CCNY: variants seen among roughly 807,000 people sequenced by gnomAD.
CCNY encodes cyclin-Y.
A neutral mutation model predicts 42.8 loss-of-function variants in CCNY; 19 were observed. That is an observed-to-expected ratio of 0.44 (90% CI 0.31 to 0.65). The LOEUF (loss-of-function observed/expected upper bound fraction) is 0.65. Among genes scored for constraint, CCNY ranks in the 30% least tolerant of loss-of-function variants. The pLI is 0.07. For missense variants in CCNY, 370 were observed against 437.3 expected, an observed-to-expected ratio of 0.85 and a Z score of 1.37; for synonymous variants, 165 against 162.7, an observed-to-expected ratio of 1.01 and a Z score of -0.11.
chr10:35,473,380 A>G (rs1389394282), intron 1 of CCNY, among the ~76,000 whole-genome samples: 1 of 152,176 alleles, frequency 6.6e-6, no homozygotes, highest in African/African-American at 2.4e-5. Flanking sequence ...CCAGTAGAGT[A>G]ACTATTTAAA....
chr10:35,368,570 G>T (rs939008194), intron 1 of CCNY, among the ~76,000 whole-genome samples: 4 of 152,188 alleles, frequency 2.6e-5, no homozygotes, highest in African/African-American at 9.7e-5. Context: ...TCCCAGGTTG[G>T]ACTGTTCGCA....
At chr10:35,249,429 G>A (rs2095710309) in intron 2 of CCNY, among the ~76,000 whole-genome samples, 1 of 150,862 alleles carries the variant, frequency 6.6e-6, no homozygotes, top group African/African-American at 2.4e-5. Context: ...TGTGTAGATT[G>A]TTTATGTTGT....
At chr10:35,404,999 GAAT>G (rs1277646329) in intron 1 of CCNY, among the ~76,000 whole-genome samples, 10 of 152,190 alleles carry the variant, frequency 6.6e-5, no homozygotes, top group Non-Finnish European at 1.0e-4. Flanking sequence ...ATCCAGAACA[GAAT>G]AATGAGTTAT....
At chr10:35,321,240 A>G (rs549108538) in intron 3 of CCNY, among the ~76,000 whole-genome samples, 133 of 152,028 alleles carry the variant, frequency 8.7e-4, no homozygotes, top group African/African-American at 2.8e-3. Flanking sequence ...TTAAAACTAT[A>G]AAAACATTGC....
intron 1 of CCNY, among the ~76,000 whole-genome samples, chr10:35,354,384 C>A (rs1177898273): frequency 6.6e-6 from 1 of 151,972 alleles, no homozygotes; most frequent in Non-Finnish European, 1.5e-5. Flanking sequence ...CGGGGTTTCA[C>A]AAATTGGCCA....
intron 1 of CCNY, among the ~76,000 whole-genome samples, chr10:35,438,135 A>G (rs1838579978): frequency 2.0e-5 from 3 of 150,216 alleles, no homozygotes; most frequent in East Asian, 2.0e-4. Flanking sequence ...CCATAAAAAC[A>G]TATCTTCAGA....
chr10:35,488,476 G>T (rs976490177), intron 2 of CCNY, among the ~76,000 whole-genome samples: 4 of 152,080 alleles, frequency 2.6e-5, no homozygotes, highest in African/African-American at 9.7e-5. Context: ...TCTTTGGCTC[G>T]TTCGTGTGTG....
At chr10:35,343,834 C>T (rs974576755) in intron 1 of CCNY, among the ~76,000 whole-genome samples, 1 of 152,158 alleles carries the variant, frequency 6.6e-6, no homozygotes, top group Non-Finnish European at 1.5e-5. Flanking sequence ...CACATAGGGT[C>T]AGAGATTTAG....
At chr10:35,463,670 GT>G (rs1156583332) in intron 1 of CCNY, among the ~76,000 whole-genome samples, 5 of 152,216 alleles carry the variant, frequency 3.3e-5, no homozygotes, top group Non-Finnish European at 5.9e-5. Flanking sequence ...TATGGAAATT[GT>G]TTTAAAACTC....
chr10:35,392,263 T>C (rs778553621), intron 1 of CCNY, among the ~76,000 whole-genome samples: 4 of 152,210 alleles, frequency 2.6e-5, no homozygotes, highest in Admixed American at 6.5e-5. Context: ...TTGAAAGAAA[T>C]TTTTATTTTT....
chr10:35,558,356 G>A (rs529043410), intron 8 of CCNY, among the ~76,000 whole-genome samples: 1 of 152,328 alleles, frequency 6.6e-6, no homozygotes, highest in Admixed American at 6.5e-5. Flanking sequence ...TCAGTTTTAG[G>A]AGAGTGAAAT....
At chr10:35,347,758 G>A (rs1470170169) in intron 1 of CCNY, among the ~76,000 whole-genome samples, 1 of 151,986 alleles carries the variant, frequency 6.6e-6, no homozygotes, top group Non-Finnish European at 1.5e-5. Flanking sequence ...TATGATCTTA[G>A]GATTTTAATT....
intron 3 of CCNY, among the ~76,000 whole-genome samples, chr10:35,313,155 C>T (rs960247572): frequency 6.6e-6 from 1 of 152,140 alleles, no homozygotes; most frequent in Non-Finnish European, 1.5e-5. Flanking sequence ...ATGGCTGCGG[C>T]TGGCTCACGT....
chr10:35,342,055 GATATAGGT>G (rs1418726321), intron 1 of CCNY, among the ~76,000 whole-genome samples: 1 of 152,088 alleles, frequency 6.6e-6, no homozygotes, highest in Non-Finnish European at 1.5e-5. Flanking sequence ...TGTCTAATGG[GATATAGGT>G]ACATGGTGTT....
intron 2 of CCNY, among the ~76,000 whole-genome samples, chr10:35,491,796 G>A (rs533277396): frequency 1.0e-3 from 158 of 152,058 alleles, no homozygotes; most frequent in African/African-American, 3.7e-3. Flanking sequence ...TGTATTTTTA[G>A]TAGAGATGGG....
chr10:35,331,483 C>T (rs1835943085), intron 3 of CCNY, among the ~76,000 whole-genome samples: 1 of 152,122 alleles, frequency 6.6e-6, no homozygotes, highest in South Asian at 2.1e-4. Flanking sequence ...TCCCAGATGC[C>T]AGAGACCCTG....
At chr10:35,381,756 G>A (rs1837190680) in intron 1 of CCNY, among the ~76,000 whole-genome samples, 2 of 152,056 alleles carry the variant, frequency 1.3e-5, no homozygotes, top group Admixed American at 6.6e-5. Context: ...GTAGTATTAC[G>A]TATATCTGTT....
At chr10:35,493,395 A>G (rs1412149872) in intron 2 of CCNY, among the ~76,000 whole-genome samples, 1 of 152,218 alleles carries the variant, frequency 6.6e-6, no homozygotes, top group South Asian at 2.1e-4. Flanking sequence ...TTACTTTTCA[A>G]TTCTCTTTTT....
In CCNY at chr10:35,483,489, A is replaced by G; in HGVS notation, c.229+11A>G. On this transcript the variant is annotated intron_variant, in intron 2 of 9. Transcript: ENST00000374704. ...AATCTCAGACGGACGGTAGGTCCTT[A>G]ATTTATGTTTCTTTTTGTAAAAAAG... The G allele has an allele frequency of 6.4e-7, 1 of 1,550,522 alleles. No homozygotes were observed. Among genetic ancestry groups the G allele is most frequent in the Non-Finnish European group, 8.9e-7 (1 of 1,128,386 alleles).
Sources: gnomAD v4.1 joint callset for allele counts (sites outside exome capture counted in the v4.1 genomes callset) on GRCh38, gnomAD v4.1.1 for gene constraint, MANE v1.5 for transcripts, NCBI Gene and HGNC (gene_info 2026-07-23, HGNC 2026-07-21) for gene names.